Variants in ANO1 observed in about 807,000 individuals in gnomAD.
ANO1 encodes the protein anoctamin 1.
In ANO1, 59 loss-of-function variants were observed where a neutral mutation model predicts 124.0. The ratio of observed to expected loss-of-function variants is 0.48; its 90% CI spans 0.39 to 0.59. The LOEUF (loss-of-function observed/expected upper bound fraction) is 0.59, where lower values mean the gene tolerates loss of function less well. Ranked by LOEUF, ANO1 falls within the 20% of genes least tolerant of loss-of-function variation. The pLI is 0.00. For missense variants in ANO1, 1,059 were observed against 1,328.0 expected (o/e 0.80, Z 3.15); for synonymous variants, 529 against 532.0 (o/e 0.99, Z 0.08).
At chr11:70,023,851 G>A (rs1856846158) in intron 1 of ANO1, among the ~76,000 whole-genome samples, 1 of 152,220 alleles carries the variant, frequency 6.6e-6, no homozygotes, top group Non-Finnish European at 1.5e-5. Context: ...TGGGGAAGAA[G>A]ACTGGCCTGT....
intron 23 of ANO1, 119 bp from the exon 24 acceptor site, chr11:70,182,383 C>A: frequency 1.2e-6 from 1 of 832,422 alleles, no homozygotes; most frequent in Non-Finnish European, 1.7e-6. Context: ...ATGGTCCCCG[C>A]CAGAGGCAGT....
chr11:69,977,110 G>A, the ANO1 span, among the ~76,000 whole-genome samples: 1 of 152,226 alleles, frequency 6.6e-6, no homozygotes, highest in East Asian at 1.9e-4. Flanking sequence ...CGGCCAACCA[G>A]CTTGCCAGAA....
At chr11:70,017,504 C>G (rs1038882836) in intron 1 of ANO1, among the ~76,000 whole-genome samples, 2 of 147,486 alleles carry the variant, frequency 1.4e-5, no homozygotes, top group South Asian at 4.5e-4. Flanking sequence ...ACTTCCCTCC[C>G]TCCCTCCCTC....
At chr11:70,132,694 G>A (rs139318619) in intron 11 of ANO1, among the ~76,000 whole-genome samples, 7 of 152,286 alleles carry the variant, frequency 4.6e-5, no homozygotes, top group Admixed American at 1.3e-4. Flanking sequence ...TCCAGCTTTC[G>A]GGGCTTGGGA....
intron 1 of ANO1, among the ~76,000 whole-genome samples, chr11:70,086,854 C>T (rs969571373): frequency 3.9e-5 from 6 of 152,232 alleles, no homozygotes; most frequent in African/African-American, 7.2e-5. Context: ...CCAAGTAAAA[C>T]GCTTGCACCC....
At position 70,079,639 on chromosome 11, in the gene ANO1, C is replaced by T. The variant is rs77055677; in HGVS notation, c.108+925C>T. ...AGCAGCAATTTGTGGGACCTAAGGACAGAAGCTCCCTTCTACCTTCTTCCC... is the reference window on the plus strand; with the variant it reads ...AGCAGCAATTTGTGGGACCTAAGGATAGAAGCTCCCTTCTACCTTCTTCCC... On this transcript the variant is annotated intron_variant, in intron 1 of 25. Coordinates refer to ENST00000355303, the MANE Select transcript of ANO1 (RefSeq NM_018043.7). Among the ~76,000 whole-genome samples the T allele has an allele frequency of 5.0e-3, 757 of 152,242 alleles. 6 individuals carry two copies. Among genetic ancestry groups the T allele is most frequent in the African/African-American group, 0.017 (720 of 41,546 alleles).
intron 1 of ANO1, among the ~76,000 whole-genome samples, chr11:70,008,971 G>A (rs72937814): frequency 0.12 from 19,016 of 152,154 alleles, 1,421 homozygotes; most frequent in Admixed American, 0.19. Context: ...GAATCAGTGG[G>A]ATGAGCGTGG....
intron 11 of ANO1, among the ~76,000 whole-genome samples, chr11:70,140,126 G>A (rs2047098380): frequency 6.6e-6 from 1 of 152,184 alleles, no homozygotes; most frequent in South Asian, 2.1e-4. Flanking sequence ...ACGCTAAAGT[G>A]TTCCCAGAAA....
intron 22 of ANO1, 94 bp downstream of exon 22, chr11:70,171,133 GC>G: frequency 6.7e-7 from 1 of 1,481,670 alleles, no homozygotes; most frequent in Non-Finnish European, 9.1e-7. Context: ...GCCAGAGCTG[GC>G]CAGGTGTCCC....
At chr11:70,065,730 T>G (rs1311856988) in intron 1 of ANO1, among the ~76,000 whole-genome samples, 1 of 152,078 alleles carries the variant, frequency 6.6e-6, no homozygotes. Context: ...TGACCTCAGT[T>G]CTTGTCCCCA....
intron 22 of ANO1, among the ~76,000 whole-genome samples, chr11:70,172,119 TAAAA>T (rs367908728): frequency 2.5e-5 from 3 of 120,494 alleles, no homozygotes; most frequent in Non-Finnish European, 5.1e-5. Flanking sequence ...GAACCTGTCT[TAAAA>T]AAAAAAAAAA....
At chr11:70,149,998 A>T in intron 12 of ANO1, 1 of 676,168 alleles carries the variant, frequency 1.5e-6, no homozygotes, top group Non-Finnish European at 2.7e-6. Context: ...CAAAGTGACC[A>T]CTCCCTGTCT....
intron 1 of ANO1, among the ~76,000 whole-genome samples, chr11:70,024,961 G>T (rs1467090465): frequency 2.0e-5 from 3 of 152,250 alleles, no homozygotes; most frequent in African/African-American, 7.2e-5. Context: ...GGGTGGGACA[G>T]ACAGCTGCAA....
At chr11:70,145,943 C>CAAAAAAAAA (rs10589426) in intron 11 of ANO1, among the ~76,000 whole-genome samples, 86 of 108,440 alleles carry the variant, frequency 7.9e-4, no homozygotes, top group Non-Finnish European at 8.6e-4. Flanking sequence ...TCTCAAAAAA[C>CAAAAAAAAA]AAAAAAAAAA....
At chr11:70,108,255 T>A in intron 5 of ANO1, 98 bp from the exon 6 acceptor site, 3 of 1,233,136 alleles carry the variant, frequency 2.4e-6, no homozygotes, top group South Asian at 2.7e-5. Flanking sequence ...TCTTCATGCG[T>A]AACGTGTGAC....
intron 1 of ANO1, among the ~76,000 whole-genome samples, chr11:69,995,261 A>G (rs1856247419): frequency 6.6e-6 from 1 of 151,748 alleles, no homozygotes; most frequent in Non-Finnish European, 1.5e-5. Context: ...CACCACACCC[A>G]GCTAATTTTG....
At chr11:70,157,384 A>AAAG (rs397963428) in intron 16 of ANO1, among the ~76,000 whole-genome samples, 1 of 149,322 alleles carries the variant, frequency 6.7e-6, no homozygotes, top group Non-Finnish European at 1.5e-5. Flanking sequence ...AAAAAAAAAA[A>AAAG]GGATGCGATT....
In ANO1 at chr11:70,019,090, C is replaced by T. The variant is rs182624399; in HGVS notation, c.58+32924C>T. On this transcript the variant is annotated intron_variant, in intron 1 of 27. Transcript: ENST00000531349. Reference sequence around the variant, plus strand: ...GGGAGGGCTTCTTGGAGGAGGTGCCCCATTCATTCATTTATTCATTCGTTC... The same window carrying T: ...GGGAGGGCTTCTTGGAGGAGGTGCCTCATTCATTCATTTATTCATTCGTTC... Among the ~76,000 whole-genome samples the T allele has an allele frequency of 8.9e-3, 1,358 of 152,294 alleles. 8 individuals carry two copies. Among genetic ancestry groups the T allele is most frequent in the Admixed American group, 0.02 (302 of 15,290 alleles).
chr11:70,059,191 C>CA (rs199951705), intron 1 of ANO1, among the ~76,000 whole-genome samples: 5,046 of 140,132 alleles, frequency 0.036, 123 homozygotes, highest in East Asian at 0.11. Flanking sequence ...GACTCTGTTT[C>CA]AAAAAAAAAA....
Sources: allele counts gnomAD v4.1 joint callset (sites outside exome capture counted in the v4.1 genomes callset), GRCh38; gene constraint gnomAD v4.1.1; transcripts MANE v1.5; gene names NCBI Gene and HGNC (gene_info 2026-07-23, HGNC 2026-07-21).